TRAK1: variants seen among roughly 807,000 people sequenced by gnomAD.
TRAK1 encodes the protein trafficking kinesin protein 1.
TRAK1 carries 33 observed loss-of-function variants against 92.1 expected under a neutral mutation model. That is an observed-to-expected ratio of 0.36 (90% CI 0.27 to 0.48). The LOEUF (loss-of-function observed/expected upper bound fraction) is 0.48, where lower values mean the gene tolerates loss of function less well. Among genes scored for constraint, TRAK1 ranks in the 20% least tolerant of loss-of-function variants. TRAK1 has a pLI of 0.99. For missense variants in TRAK1, 1,123 were observed against 1,257.9 expected (o/e 0.89, Z 1.62); for synonymous variants, 521 against 517.3 (o/e 1.01, Z -0.10).
intron 1 of TRAK1, among the ~76,000 whole-genome samples, chr3:42,040,607 AT>A (rs1222183094): frequency 6.6e-6 from 1 of 151,344 alleles, no homozygotes; most frequent in African/African-American, 2.4e-5. Context: ...GTAAGGGTTT[AT>A]TTATCTGGGC....
intron 14 of TRAK1, chr3:42,217,771 A>G (rs1709885058): frequency 1.0e-6 from 1 of 984,934 alleles, no homozygotes; most frequent in South Asian, 4.7e-5. Context: ...TGCTCTTCCC[A>G]GGCTTTTTGT....
intron 1 of TRAK1, among the ~76,000 whole-genome samples, chr3:42,065,950 A>T (rs1212992683): frequency 2.6e-5 from 4 of 152,088 alleles, no homozygotes; most frequent in Non-Finnish European, 4.4e-5. Flanking sequence ...TCCTAACTCC[A>T]TGTTGAGCTT....
At chr3:42,167,920 G>T (rs574729924) in intron 2 of TRAK1, among the ~76,000 whole-genome samples, 2 of 152,270 alleles carry the variant, frequency 1.3e-5, no homozygotes, top group South Asian at 4.1e-4. Flanking sequence ...CAAGTAATGT[G>T]TGTCTTAGGG....
In TRAK1 at chr3:42,191,517, A is replaced by G. The variant is rs1464167296; in HGVS notation, c.691-41A>G. On this transcript the variant is annotated intron_variant, in intron 6 of 15. Transcript: ENST00000327628. ...CAGCCCTTGCCTGCACCACCAGGCC[A>G]GGTGAGAATGTGGGGCCTCTGACCT... 8 of 1,553,926 alleles carry G rather than the reference A, an allele frequency of 5.1e-6. No homozygotes were observed. The Admixed American group carries it at 1.4e-4, about 26-fold the overall frequency.
In TRAK1 at chr3:42,218,585, G is replaced by T. The variant is rs927098748; in HGVS notation, c.1964-909G>T. 6.1e-6 allele frequency: 6 copies of T among 984,868 alleles called. No individual in the cohort carries two copies. The African/African-American group carries it at 1.1e-4, about 17-fold the overall frequency. The allele number at this position is 984,868 out of a possible 1,614,324, so 61.0% of individuals were successfully genotyped here. A position where few individuals can be genotyped will look rare whatever the true frequency, so the allele number is the denominator to read the frequency against. On this transcript the variant is annotated intron_variant, in intron 14 of 15. Coordinates refer to ENST00000327628, the MANE Select transcript of TRAK1 (RefSeq NM_001042646.3). ...TGAGGATGACCTCTGCAATCATGAT[G>T]TCTCCCATAGACTCTGTTCCTTGTT...
intron 10 of TRAK1, among the ~76,000 whole-genome samples, chr3:42,197,018 A>T (rs868079574): frequency 0.053 from 7,923 of 149,494 alleles, 209 homozygotes; most frequent in Middle Eastern, 0.075. Context: ...ACACACACAC[A>T]CACACACACA....
intron 1 of TRAK1, among the ~76,000 whole-genome samples, chr3:42,108,585 T>TTG (rs1707916606): frequency 6.6e-6 from 1 of 151,826 alleles, no homozygotes; most frequent in African/African-American, 2.4e-5. Context: ...AACAATGGTA[T>TTG]TTGCATAGCA....
rs1334908965 is a variant in TRAK1 at position 42,144,636 on chromosome 3, C to T, written c.286+19022C>T. On this transcript the variant is annotated intron_variant, in intron 2 of 15. Transcript: ENST00000327628. ...GTGCCAAGTATTATTTAAGGGGTTT[C>T]TATCAAAACAAAAAAGCAAGCAAAT... Among the ~76,000 whole-genome samples the T allele has an allele frequency of 2.6e-5, 4 of 151,742 alleles. No individual in the cohort carries two copies. In the South Asian group the frequency reaches 6.2e-4, roughly 24 times the overall value.
At chr3:42,214,998 G>A (rs142032733) in intron 14 of TRAK1, among the ~76,000 whole-genome samples, 33 of 152,242 alleles carry the variant, frequency 2.2e-4, no homozygotes, top group African/African-American at 7.9e-4. Context: ...TTGATTCCCC[G>A]ACTCCTCACC....
At chr3:42,204,557 T>G (rs779917158) in intron 13 of TRAK1, among the ~76,000 whole-genome samples, 9 of 152,234 alleles carry the variant, frequency 5.9e-5, no homozygotes, top group Non-Finnish European at 1.3e-4. Context: ...GATTCCATTT[T>G]GTAGTTCTCT....
chr3:42,168,394 T>C (rs1327024107), intron 2 of TRAK1, among the ~76,000 whole-genome samples: 1 of 152,202 alleles, frequency 6.6e-6, no homozygotes, highest in Non-Finnish European at 1.5e-5. Flanking sequence ...TGCTTGAGTG[T>C]CATTTATTTG....
chr3:42,211,223 T>A (rs1424143274), intron 14 of TRAK1: 1 of 985,310 alleles, frequency 1.0e-6, no homozygotes, highest in Non-Finnish European at 1.2e-6. Context: ...TTCTTGGTGG[T>A]GTCTCCCATT....
chr3:42,154,959 AG>A (rs1348943962), intron 2 of TRAK1, among the ~76,000 whole-genome samples: 1 of 152,050 alleles, frequency 6.6e-6, no homozygotes, highest in African/African-American at 2.4e-5. Context: ...GGGGACGTTG[AG>A]GGTATAGCAG....
chr3:42,199,249 A>G lies in TRAK1; in HGVS notation c.1186A>G (p.Ile396Val). ...GTTGGAAGAGGCCGAGTCTCCAGAC[A>G]TCACGTACGGCCACAGTTTTTACAG... Reference protein sequence around the residue: ...LQLEEAESPDITHQKRVFETV... With the variant: ...LQLEEAESPDVTHQKRVFETV... Residue 396 changes from isoleucine to valine, a missense_variant, in exon 11 of 16, where the codon ATC becomes GTC. By Grantham distance (29) the Ile-to-Val change is conservative. Coordinates refer to ENST00000327628, the MANE Select transcript of TRAK1 (RefSeq NM_001042646.3). 6.2e-7 allele frequency: 1 copy of G among 1,614,110 alleles called. No homozygotes were observed. The highest frequency in any genetic ancestry group is 1.1e-5 in the South Asian group (1 of 91,078).
At chr3:42,129,036 T>C (rs1710966116) in intron 2 of TRAK1, among the ~76,000 whole-genome samples, 1 of 152,228 alleles carries the variant, frequency 6.6e-6, no homozygotes, top group Non-Finnish European at 1.5e-5. Flanking sequence ...TGGAATTGTT[T>C]TCCTTTTCAG....
chr3:42,023,274 A>C (rs1333753819), intron 1 of TRAK1, among the ~76,000 whole-genome samples: 2 of 152,118 alleles, frequency 1.3e-5, no homozygotes, highest in Admixed American at 6.6e-5. Context: ...AAAAGGCAGC[A>C]TGGCAGATTG....
chr3:42,153,405 T>TA (rs890153676), intron 2 of TRAK1, among the ~76,000 whole-genome samples: 22 of 146,888 alleles, frequency 1.5e-4, no homozygotes, highest in South Asian at 1.1e-3. Context: ...TTAAAAAAAA[T>TA]AAAAAAAAAA....
intron 2 of TRAK1, chr3:42,146,492 A>C (rs760902712): frequency 6.4e-6 from 1 of 156,454 alleles, no homozygotes; most frequent in Non-Finnish European, 1.4e-5. Context: ...GTGTTCAGCT[A>C]TTAGGAAGTT....
At chr3:42,023,911 C>T (rs760128426) in intron 1 of TRAK1, among the ~76,000 whole-genome samples, 2 of 151,880 alleles carry the variant, frequency 1.3e-5, no homozygotes, top group Non-Finnish European at 2.9e-5. Context: ...CCTGCCACCA[C>T]GCCTGGCTAA....
Sources: gnomAD v4.1 joint callset for allele counts (sites outside exome capture counted in the v4.1 genomes callset) on GRCh38, gnomAD v4.1.1 for gene constraint, MANE v1.5 for transcripts, NCBI Gene and HGNC (gene_info 2026-07-23, HGNC 2026-07-21) for gene names.